Variants in FLG observed in about 807,000 individuals in gnomAD.
FLG encodes epidermal filaggrin.
Under a neutral mutation model 3.8 loss-of-function variants are expected in FLG, and 6 were observed. The ratio of observed to expected loss-of-function variants is 1.60; its 90% CI spans 0.87 to 3.15. FLG has a LOEUF of 3.15. Among genes scored for constraint, FLG ranks in the 30% most tolerant of loss-of-function variants. FLG has a pLI of 0.00. For synonymous variants in FLG, 2,551 were observed against 1,931.6 expected, an observed-to-expected ratio of 1.32 and a Z score of -8.41; for missense variants, 7,595 against 5,050.9, an observed-to-expected ratio of 1.50 and a Z score of -15.27.
At position 152,306,167 on chromosome 1, in the gene FLG, A is replaced by T. The variant is rs772689628; in HGVS notation, c.8719T>A (p.Trp2907Arg). ...TGGTTTCTGGAAGCAGACCCAGACC[A>T]CCTCTCAGAGTCTTCTGAATGTCCC... Reference protein sequence around the residue: ...SEGHSEDSERWSGSASRNHHG... With the variant: ...SEGHSEDSERRSGSASRNHHG... The change falls in exon 3 of 3, where the codon TGG becomes AGG. Residue 2907 changes from tryptophan (W) to arginine (R), a missense_variant. Physicochemically the swap from Trp to Arg is moderately radical, Grantham distance 101. Coordinates refer to ENST00000368799, the MANE Select transcript of FLG (RefSeq NM_002016.2). 1 of 1,599,402 alleles carries T rather than the reference A, an allele frequency of 6.3e-7. No homozygotes were observed. Among genetic ancestry groups the T allele is most frequent in the Non-Finnish European group, 8.5e-7 (1 of 1,179,778 alleles).
rs894446861 is a variant in FLG at position 152,307,348 on chromosome 1, G to T, written c.7538C>A (p.Ala2513Glu). The T allele has an allele frequency of 6.2e-7, 1 of 1,612,750 alleles. No individual in the cohort carries two copies. Among genetic ancestry groups the T allele is most frequent in the Non-Finnish European group, 8.5e-7 (1 of 1,179,616 alleles). The change falls in exon 3 of 3, where the codon GCA (alanine) becomes GAA (glutamate). Residue 2513 changes from alanine (A) to glutamate (E), a missense_variant. Ala to Glu is a moderately radical substitution (Grantham distance 107). Coordinates refer to ENST00000368799, the MANE Select transcript of FLG (RefSeq NM_002016.2). ...TTCATCGTTACGAGTTTGTCTGCTT[G>T]CACTTCTGGATCCTGAGTGCCCATG... ...ASHGHSGSRSASRQTRNDEQS... is the reference protein window; with the variant it reads ...ASHGHSGSRSESRQTRNDEQS...
Position 152,311,972 on chromosome 1 carries a change from C to T in FLG, c.2914G>A (p.Gly972Arg). The change falls in exon 3 of 3, where the codon GGA (glycine) becomes AGA (arginine). Residue 972 changes from glycine to arginine, a missense_variant. Transcript: ENST00000368799. The stretch of plus-strand genomic sequence containing the variant: ...TGTCTTGACTGCTCCTGAGCAGATC[C>T]ACGATGGTTTCTGGAAGCAGACCCA... ...WSGSASRNHR[G>R]SAQEQSRHGS... 1 of 1,614,064 alleles carries T rather than the reference C, an allele frequency of 6.2e-7. No homozygotes were observed. Among genetic ancestry groups the T allele is most frequent in the Non-Finnish European group, 8.5e-7 (1 of 1,179,990 alleles).
At position 152,310,570 on chromosome 1, in the gene FLG, C is replaced by T. The variant is rs765382640; in HGVS notation, c.4316G>A (p.Arg1439Lys). ...AGAGCTCACCTGGTAGAGGAAAGACCTTGAACGTCCAGAGCTTTCCCCTGA... is the reference window on the plus strand; with the variant it reads ...AGAGCTCACCTGGTAGAGGAAAGACTTTGAACGTCCAGAGCTTTCCCCTGA... ...GQSGESSGRS[R>K]SFLYQVSSHE... Residue 1439 changes from arginine to lysine, a missense_variant, in exon 3 of 3, where the codon AGG becomes AAG. Transcript: ENST00000368799. The T allele has an allele frequency of 1.9e-6, 3 of 1,613,746 alleles. No homozygotes were observed. The highest frequency in any genetic ancestry group is 1.1e-5 in the South Asian group (1 of 91,060).
At position 152,311,520 on chromosome 1, in the gene FLG, G is replaced by C. The variant is rs1401893961; in HGVS notation, c.3366C>G (p.Ser1122Arg). ...GGGCAGACTCAGACTGTTCATGAGT[G>C]CTCACCTGGTAGATGAAAGACCCTG... ...GRSGSFIYQV[S>R]THEQSESAHG... The change falls in exon 3 of 3, where the codon AGC becomes AGG. Residue 1122 changes from serine to arginine, a missense_variant. Transcript: ENST00000368799. 11 of 1,613,770 alleles carry C rather than the reference G, an allele frequency of 6.8e-6. No individual in the cohort carries two copies. In the East Asian group the frequency reaches 2.2e-4, roughly 33 times the overall value.
At position 152,312,134 on chromosome 1, in the gene FLG, A is replaced by T. The variant is rs558015747; in HGVS notation, c.2752T>A (p.Ser918Thr). The change falls in exon 3 of 3, where the codon TCT (serine) becomes ACT (threonine). Residue 918 changes from serine (S) to threonine (T), a missense_variant. Coordinates refer to ENST00000368799, the MANE Select transcript of FLG (RefSeq NM_002016.2). ...GAGTGTCTAGAGATGTCGGCATGAG[A>T]GGAAGCTTCATGGTGACGTGACCCT... ...HSGSRHHEAS[S>T]HADISRHSQA... 3.5e-5 allele frequency: 57 copies of T among 1,613,888 alleles called. No homozygotes were observed. The highest frequency in any genetic ancestry group is 3.3e-4 in the Middle Eastern group (2 of 6,062).
At chr1:152,324,736 A>G (rs994881023) in intron 1 of FLG, among the ~76,000 whole-genome samples, 1 of 151,834 alleles carries the variant, frequency 6.6e-6, no homozygotes, top group African/African-American at 2.4e-5. Context: ...TTTTTCCATT[A>G]TGACCCAGGG....
rs373451685 is a variant in FLG, at chr1:152,314,380, C to T, written c.506G>A (p.Arg169Lys). 6.2e-7 allele frequency: 1 copy of T among 1,612,930 alleles called. No homozygotes were observed. Among genetic ancestry groups the T allele is most frequent in the South Asian group, 1.1e-5 (1 of 90,988 alleles). ...ATGGTTTTTTCCATATTCTTCTTCT[C>T]TATGAGTAGGTGAATATCCTTTTCT... Reference protein sequence around the residue: ...KERKGYSPTHREEEYGKNHHN... With the variant: ...KERKGYSPTHKEEEYGKNHHN... Residue 169 changes from arginine (R) to lysine (K), a missense_variant, in exon 3 of 3, where the codon AGA (arginine) becomes AAA (lysine). Arg to Lys is a conservative substitution (Grantham distance 26, BLOSUM62 2). Transcript: ENST00000368799.
Position 152,307,955 on chromosome 1 carries a change from A to T in FLG, c.6931T>A (p.Ser2311Thr). 6.2e-7 allele frequency: 1 copy of T among 1,614,034 alleles called. No homozygotes were observed. The highest frequency in any genetic ancestry group is 1.3e-5 in the African/African-American group (1 of 74,948). ...QSGTHHAENS[S>T]GGQAASSHEQ... ...TGGGATGATGCAGCCTGTCCACCAG[A>T]GGAATTCTCTGCATGATGAGTGCCT... is the stretch of plus-strand genomic sequence containing the variant. The change falls in exon 3 of 3, where the codon TCT becomes ACT. Residue 2311 changes from serine (S) to threonine (T), a missense_variant. Coordinates refer to ENST00000368799, the MANE Select transcript of FLG (RefSeq NM_002016.2).
chr1:152,314,138 G>T lies in FLG; in HGVS notation c.748C>A (p.Leu250Ile). 6.2e-7 allele frequency: 1 copy of T among 1,614,056 alleles called. No homozygotes were observed. Among genetic ancestry groups the T allele is most frequent in the South Asian group, 1.1e-5 (1 of 91,072 alleles). ...TCATATATTTTGTTTTCTTCTAATA[G>T]ACTATCAGTGGTGTCATAGGCTTCA... is the stretch of plus-strand genomic sequence containing the variant. ...QDEAYDTTDSLLEENKIYERS... is the reference protein window; with the variant it reads ...QDEAYDTTDSILEENKIYERS... Residue 250 changes from leucine to isoleucine, a missense_variant, in exon 3 of 3, where the codon CTA (leucine) becomes ATA (isoleucine). Physicochemically the swap from Leu to Ile is conservative, Grantham distance 5 (BLOSUM62 2). Coordinates refer to ENST00000368799, the MANE Select transcript of FLG (RefSeq NM_002016.2).
chr1:152,309,359 G>C lies in FLG; in HGVS notation c.5527C>G (p.His1843Asp), dbSNP rs752844608. 6.2e-7 allele frequency: 1 copy of C among 1,613,890 alleles called. No individual in the cohort carries two copies. Among genetic ancestry groups the C allele is most frequent in the South Asian group, 1.1e-5 (1 of 91,056 alleles). The change falls in exon 3 of 3, where the codon CAC (histidine) becomes GAC (aspartate). Residue 1843 changes from histidine to aspartate, a missense_variant. Transcript: ENST00000368799. ...VDSSGHSGSH[H>D]SHTTSQERSD... ...CTTTCCTGGGACGTGGTGTGGCTGT[G>C]ATGAGACCCTGAGTGTCCAGAACTA...
chr1:152,311,576 G>C lies in FLG; in HGVS notation c.3310C>G (p.Arg1104Gly). Residue 1104 changes from arginine to glycine, a missense_variant, in exon 3 of 3, where the codon CGT (arginine) becomes GGT (glycine). Transcript: ENST00000368799. ...PHQQSHQESA[R>G]DWSGGRSGRS... is the part of the protein sequence containing the mutation. ...CCAGACCTTCCCCCTGACCAGTCAC[G>C]TGCGGACTCTTGGTGGCTCTGCTGA... 6.2e-7 allele frequency: 1 copy of C among 1,614,032 alleles called. No homozygotes were observed. Among genetic ancestry groups the C allele is most frequent in the South Asian group, 1.1e-5 (1 of 91,062 alleles).
At position 152,307,989 on chromosome 1, in the gene FLG, G is replaced by A; in HGVS notation, c.6897C>T (p.Ser2299=). Residue 2299 remains serine (S), a synonymous_variant, in exon 3 of 3, where the codon TCC becomes TCT. Transcript: ENST00000368799. ...CTGCATGATGAGTGCCTGATTGTCT[G>A]GAGCTCTCTGCAGAGTGCCCATGAC... ...RAGHGHSAES[S]RQSGTHHAEN... is the part of the protein sequence containing the mutation. The A allele has an allele frequency of 1.2e-6, 2 of 1,614,156 alleles. No homozygotes were observed. Among genetic ancestry groups the A allele is most frequent in the Non-Finnish European group, 1.7e-6 (2 of 1,180,036 alleles).
Position 152,307,684 on chromosome 1 carries a change from C to G in FLG, c.7202G>C (p.Arg2401Pro), listed in dbSNP as rs767994328. The change falls in exon 3 of 3, where the codon CGT (arginine) becomes CCT (proline). Residue 2401 changes from arginine (R) to proline (P), a missense_variant. Physicochemically the swap from Arg to Pro is moderately radical, Grantham distance 103. Transcript: ENST00000368799. ...TCCAGACCTTCCTGCTGACCGGCCA[C>G]GTGTGGACTCTTGGTGGCTCTGCTG... is the stretch of plus-strand genomic sequence containing the variant. ...PHQQSHQEST[R>P]GRSAGRSGRS... The G allele has an allele frequency of 2.0e-5, 33 of 1,613,340 alleles. No homozygotes were observed. The highest frequency in any genetic ancestry group is 3.3e-4 in the Middle Eastern group (2 of 6,080).
rs758833597 is a variant in FLG, at chr1:152,310,418, G to T, written c.4468C>A (p.Arg1490Ser). ...SASQDGQDTI[R>S]GHPGSSRGGR... ...CCTCTGCTTGACCCCGGGTGTCCAC[G>T]AATGGTGTCCTGACCGTCTTGGGAT... Residue 1490 changes from arginine to serine, a missense_variant, in exon 3 of 3, where the codon CGT becomes AGT. Transcript: ENST00000368799. The T allele has an allele frequency of 2.5e-6, 4 of 1,613,430 alleles. No individual in the cohort carries two copies. In the Admixed American group the frequency reaches 5.0e-5, roughly 20 times the overall value.
Position 152,302,974 on chromosome 1 carries a change from C to A in FLG, c.11912G>T (p.Gly3971Val). 6.2e-7 allele frequency: 1 copy of A among 1,614,164 alleles called. No homozygotes were observed. The highest frequency in any genetic ancestry group is 1.1e-5 in the South Asian group (1 of 91,076). ...ATAGCTGCCATGTCTCCAAACTAAACCTGATTGACCTTTTTGCCTTTCAGT... is the reference window on the plus strand; with the variant it reads ...ATAGCTGCCATGTCTCCAAACTAAAACTGATTGACCTTTTTGCCTTTCAGT... ...EGTERQKGQSGLVWRHGSYGS... is the reference protein window; with the variant it reads ...EGTERQKGQSVLVWRHGSYGS... The change falls in exon 3 of 3, where the codon GGT becomes GTT. Residue 3971 changes from glycine to valine, a missense_variant. Gly to Val is a moderately radical substitution (Grantham distance 109). Coordinates refer to ENST00000368799, the MANE Select transcript of FLG (RefSeq NM_002016.2).
chr1:152,314,767 A>C lies in FLG; in HGVS notation c.139-20T>G, dbSNP rs769813864. 1 of 1,613,890 alleles carries C rather than the reference A, an allele frequency of 6.2e-7. No homozygotes were observed. The highest frequency in any genetic ancestry group is 8.5e-7 in the Non-Finnish European group (1 of 1,179,794). ...TGGATTCTGTACAGAGGGAAGTCACAGAGGGAGACTGCATCAGACAGAATC... is the reference window on the plus strand; with the variant it reads ...TGGATTCTGTACAGAGGGAAGTCACCGAGGGAGACTGCATCAGACAGAATC... On this transcript the variant is annotated intron_variant, in intron 2 of 2. Coordinates refer to ENST00000368799, the MANE Select transcript of FLG (RefSeq NM_002016.2).
rs545318820 is a variant in FLG, at chr1:152,311,002, T to A, written c.3884A>T (p.His1295Leu). Residue 1295 changes from histidine to leucine, a missense_variant, in exon 3 of 3, where the codon CAT (histidine) becomes CTT (leucine). By Grantham distance (99) the His-to-Leu change is moderately conservative. Coordinates refer to ENST00000368799, the MANE Select transcript of FLG (RefSeq NM_002016.2). ...RLSGSASRNH[H>L]GSSREQSRDG... The stretch of plus-strand genomic sequence containing the variant: ...TCTTGACTGCTCCCGAGAAGATCCA[T>A]GATGGTTTCTGGAAGCAGACCCAGA... The A allele has an allele frequency of 1.9e-6, 3 of 1,613,702 alleles. No homozygotes were observed. The highest frequency in any genetic ancestry group is 1.7e-5 in the Admixed American group (1 of 59,984).
chr1:152,311,007 G>A lies in FLG; in HGVS notation c.3879C>T (p.Asn1293=), dbSNP rs554759202. The A allele has an allele frequency of 2.8e-5, 45 of 1,613,916 alleles. No homozygotes were observed. In the East Asian group the frequency reaches 9.4e-4, roughly 34 times the overall value. Residue 1293 remains asparagine (N), a synonymous_variant, in exon 3 of 3, where the codon AAC becomes AAT. Coordinates refer to ENST00000368799, the MANE Select transcript of FLG (RefSeq NM_002016.2). ...SERLSGSASR[N]HHGSSREQSR... is the part of the protein sequence containing the mutation. Reference sequence around the variant, plus strand: ...ACTGCTCCCGAGAAGATCCATGATGGTTTCTGGAAGCAGACCCAGACAACC... The same window carrying A: ...ACTGCTCCCGAGAAGATCCATGATGATTTCTGGAAGCAGACCCAGACAACC...
At chr1:152,323,623 A>C (rs1285630516) in intron 1 of FLG, among the ~76,000 whole-genome samples, 1 of 151,700 alleles carries the variant, frequency 6.6e-6, no homozygotes, top group Non-Finnish European at 1.5e-5. Flanking sequence ...AAAAGATAAG[A>C]AAGAAAAAAA....
Sources: gnomAD v4.1 joint callset for allele counts (sites outside exome capture counted in the v4.1 genomes callset) on GRCh38, gnomAD v4.1.1 for gene constraint, MANE v1.5 for transcripts, NCBI Gene and HGNC (gene_info 2026-07-23, HGNC 2026-07-21) for gene names.